Variants in CYRIA observed in about 807,000 individuals in gnomAD.
The protein encoded by CYRIA is CYFIP related Rac1 interactor A, also known as CYFIP-related Rac1 interactor A.
A neutral mutation model predicts 43.9 loss-of-function variants in CYRIA; 15 were observed. That is an observed-to-expected ratio of 0.34 (90% CI 0.23 to 0.53). The LOEUF (loss-of-function observed/expected upper bound fraction) is 0.53. Among genes scored for constraint, CYRIA ranks in the 20% least tolerant of loss-of-function variants. The probability of loss-of-function intolerance (pLI) is 0.94; values close to 1 mark genes in which losing one functional copy is unlikely to be tolerated. For synonymous variants in CYRIA, 117 were observed against 136.0 expected, an observed-to-expected ratio of 0.86 and a Z score of 0.97; for missense variants, 236 against 394.2, an observed-to-expected ratio of 0.60 and a Z score of 3.40.
chr2:16,559,560 T>C lies in CYRIA; in HGVS notation c.737A>G (p.Glu246Gly). 6.2e-7 allele frequency: 1 copy of C among 1,613,034 alleles called. No individual in the cohort carries two copies. The highest frequency in any genetic ancestry group is 8.5e-7 in the Non-Finnish European group (1 of 1,179,342). Residue 246 changes from glutamate to glycine, a missense_variant, in exon 10 of 12, where the codon GAA becomes GGA. Coordinates refer to ENST00000381323, the MANE Select transcript of CYRIA (RefSeq NM_030797.4). Reference sequence around the variant, plus strand: ...CCTCATGCAGAACATCAGGGTCTCTTCACTCGTAAACCTACTTCTGTACTC... The same window carrying C: ...CCTCATGCAGAACATCAGGGTCTCTCCACTCGTAAACCTACTTCTGTACTC... ...TPEYRSRFTS[E>G]ETLMFCMRVM...
At chr2:16,562,657 C>A (rs1347855636) in intron 5 of CYRIA, among the ~76,000 whole-genome samples, 2 of 152,158 alleles carry the variant, frequency 1.3e-5, no homozygotes, top group Non-Finnish European at 2.9e-5. Flanking sequence ...GCAACAGTTT[C>A]ACCACTCCCA....
intron 3 of CYRIA, among the ~76,000 whole-genome samples, chr2:16,569,414 T>G (rs1667052016): frequency 1.3e-5 from 2 of 152,202 alleles, no homozygotes; most frequent in Admixed American, 1.3e-4. Context: ...TTTCCATCTT[T>G]CCTCCAGGCT....
intron 3 of CYRIA, among the ~76,000 whole-genome samples, chr2:16,574,105 G>A (rs1336465872): frequency 6.6e-6 from 1 of 152,154 alleles, no homozygotes; most frequent in Non-Finnish European, 1.5e-5. Flanking sequence ...TCCAGGCTGA[G>A]GTGGTCTCAG....
At chr2:16,568,210 C>T (rs1167317794) in intron 3 of CYRIA, among the ~76,000 whole-genome samples, 1 of 114,972 alleles carries the variant, frequency 8.7e-6, no homozygotes, top group Non-Finnish European at 1.7e-5. Flanking sequence ...AAGTATAATG[C>T]AACTATTTCA....
At chr2:16,574,449 AT>A (rs1324731497) in intron 3 of CYRIA, among the ~76,000 whole-genome samples, 17 of 152,382 alleles carry the variant, frequency 1.1e-4, no homozygotes, top group African/African-American at 3.8e-4. Context: ...TAAGAGCCAA[AT>A]GTTAATTGCC....
intron 1 of CYRIA, among the ~76,000 whole-genome samples, chr2:16,633,333 C>T (rs1006552617): frequency 6.6e-6 from 1 of 152,128 alleles, no homozygotes; most frequent in African/African-American, 2.4e-5. Context: ...ACTGACCTCT[C>T]CCTTTGCTGA....
rs568324974 is a variant in CYRIA, at chr2:16,632,611, G to A, written c.-166-8592C>T. On this transcript the variant is annotated intron_variant, in intron 1 of 11. Transcript: ENST00000381323. ...GGTTGGTCATCCTTCATCTTTGTGG[G>A]AAGAGCCAGACACACTTTCACAAAG... Among the ~76,000 whole-genome samples, 8 of 152,148 alleles carry A rather than the reference G, an allele frequency of 5.3e-5. No individual in the cohort carries two copies. The South Asian group carries it at 6.2e-4, about 12-fold the overall frequency.
At chr2:16,582,199 A>G (rs1195747207) in intron 3 of CYRIA, among the ~76,000 whole-genome samples, 2 of 152,208 alleles carry the variant, frequency 1.3e-5, no homozygotes, top group Non-Finnish European at 2.9e-5. Flanking sequence ...TTATGTCCCA[A>G]TGAAAATACA....
At chr2:16,644,336 A>G (rs1278357108) in intron 1 of CYRIA, among the ~76,000 whole-genome samples, 15 of 152,166 alleles carry the variant, frequency 9.9e-5, no homozygotes, top group Admixed American at 9.8e-4. Flanking sequence ...CCACACAGGG[A>G]GGTTAAGACT....
intron 3 of CYRIA, among the ~76,000 whole-genome samples, chr2:16,584,919 T>C (rs1400014014): frequency 6.6e-6 from 1 of 152,192 alleles, no homozygotes; most frequent in Non-Finnish European, 1.5e-5. Context: ...CTCTTTTTCC[T>C]TCCTTACTGT....
chr2:16,590,566 A>G (rs1198354116), intron 2 of CYRIA, among the ~76,000 whole-genome samples: 1 of 152,174 alleles, frequency 6.6e-6, no homozygotes, highest in Admixed American at 6.5e-5. Flanking sequence ...AAGATATGCC[A>G]AGCCTTTGAA....
chr2:16,558,181 T>C (rs1388285826), intron 10 of CYRIA, among the ~76,000 whole-genome samples: 1 of 152,184 alleles, frequency 6.6e-6, no homozygotes, highest in Non-Finnish European at 1.5e-5. Flanking sequence ...ATATTTAATT[T>C]ACTATGTCTT....
intron 2 of CYRIA, among the ~76,000 whole-genome samples, chr2:16,621,799 T>C (rs1669004899): frequency 6.6e-6 from 1 of 152,326 alleles, no homozygotes; most frequent in Non-Finnish European, 1.5e-5. Context: ...ACTCTCTAGC[T>C]CTCTGACTTA....
intron 2 of CYRIA, among the ~76,000 whole-genome samples, chr2:16,608,568 G>A (rs1668486224): frequency 6.6e-6 from 1 of 152,234 alleles, no homozygotes; most frequent in Non-Finnish European, 1.5e-5. Flanking sequence ...AACAGCATGA[G>A]CTTTGGAGAC....
chr2:16,637,250 T>A (rs1221038035), intron 1 of CYRIA, among the ~76,000 whole-genome samples: 8 of 152,230 alleles, frequency 5.3e-5, no homozygotes, highest in Admixed American at 3.3e-4. Flanking sequence ...AGATGACTTC[T>A]AGGGACTGAG....
At chr2:16,654,754 G>A (rs968535056) in intron 1 of CYRIA, among the ~76,000 whole-genome samples, 1 of 152,166 alleles carries the variant, frequency 6.6e-6, no homozygotes, top group Non-Finnish European at 1.5e-5. Flanking sequence ...TATCCAAATA[G>A]TTAGAATTAA....
At chr2:16,628,078 T>A (rs757917857) in intron 1 of CYRIA, among the ~76,000 whole-genome samples, 20 of 152,244 alleles carry the variant, frequency 1.3e-4, no homozygotes, top group Non-Finnish European at 2.5e-4. Context: ...TCATGATGCC[T>A]GGGAAGCCAG....
At chr2:16,618,634 C>T (rs965488214) in intron 2 of CYRIA, among the ~76,000 whole-genome samples, 18 of 152,290 alleles carry the variant, frequency 1.2e-4, no homozygotes, top group Non-Finnish European at 1.8e-4. Context: ...CAAAGCCCCT[C>T]GCTGTTGAGA....
chr2:16,619,126 C>T (rs16982590), intron 2 of CYRIA, among the ~76,000 whole-genome samples: 7,104 of 152,212 alleles, frequency 0.047, 258 homozygotes, highest in African/African-American at 0.1. Flanking sequence ...TCCAGTACCA[C>T]GAAGTGCAGA....
Sources: gnomAD v4.1 joint callset for allele counts (sites outside exome capture counted in the v4.1 genomes callset) on GRCh38, gnomAD v4.1.1 for gene constraint, MANE v1.5 for transcripts, NCBI Gene and HGNC (gene_info 2026-07-23, HGNC 2026-07-21) for gene names.